SCAPER: variants seen among roughly 807,000 people sequenced by gnomAD.
The protein encoded by SCAPER is S-phase cyclin A associated protein in the ER.
In SCAPER, 98 loss-of-function variants were observed where a neutral mutation model predicts 182.2. The ratio of observed to expected loss-of-function variants is 0.54; its 90% confidence interval spans 0.46 to 0.64. SCAPER has a LOEUF of 0.64. Among genes scored for constraint, SCAPER ranks in the 30% least tolerant of loss-of-function variants. The pLI, the probability that SCAPER is intolerant of heterozygous loss-of-function variation, is 0.00. For missense variants in SCAPER, 1,432 were observed against 1,690.0 expected (o/e 0.85, Z 2.68); for synonymous variants, 605 against 564.6 (o/e 1.07, Z -1.01).
chr15:76,880,036 T>C (rs557762068), intron 2 of SCAPER, among the ~76,000 whole-genome samples: 2 of 152,294 alleles, frequency 1.3e-5, no homozygotes, highest in African/African-American at 4.8e-5. Flanking sequence ...TAAATGAACA[T>C]TATTGGGAAA....
chr15:76,676,723 T>G (rs1054960465), intron 20 of SCAPER, among the ~76,000 whole-genome samples: 1 of 151,692 alleles, frequency 6.6e-6, no homozygotes, highest in African/African-American at 2.4e-5. Context: ...TGTATAATGT[T>G]AAATAGAAAT....
intron 30 of SCAPER, among the ~76,000 whole-genome samples, chr15:76,353,498 A>T (rs1207096104): frequency 6.6e-6 from 1 of 152,248 alleles, no homozygotes; most frequent in Non-Finnish European, 1.5e-5. Flanking sequence ...ACATTAAAAA[A>T]ATCAATATAA....
chr15:76,415,345 T>C (rs2045574064), intron 26 of SCAPER, among the ~76,000 whole-genome samples: 1 of 152,138 alleles, frequency 6.6e-6, no homozygotes, highest in African/African-American at 2.4e-5. Flanking sequence ...TATTATATCA[T>C]CCATAAATTA....
intron 24 of SCAPER, among the ~76,000 whole-genome samples, chr15:76,497,133 G>C (rs1207566841): frequency 2.0e-4 from 1 of 5,058 alleles, no homozygotes; most frequent in Non-Finnish European, 9.9e-4. Context: ...TTCCCAAAAC[G>C]GCCTTCCTTA....
At chr15:76,840,538 T>C (rs2069372619) in intron 5 of SCAPER, among the ~76,000 whole-genome samples, 1 of 152,172 alleles carries the variant, frequency 6.6e-6, no homozygotes, top group South Asian at 2.1e-4. Context: ...TTTTGATAAC[T>C]AGTATTTTTA....
At chr15:76,622,446 G>C (rs2052174168) in intron 21 of SCAPER, among the ~76,000 whole-genome samples, 1 of 151,716 alleles carries the variant, frequency 6.6e-6, no homozygotes. Flanking sequence ...CTAAAAAAGT[G>C]AGAAAAATGC....
chr15:76,848,335 T>TTTTTTTTTTGG (rs2070346179), intron 4 of SCAPER, among the ~76,000 whole-genome samples: 1 of 143,150 alleles, frequency 7.0e-6, no homozygotes, highest in Non-Finnish European at 1.5e-5. Flanking sequence ...TTTTTTTTTT[T>TTTTTTTTTTGG]TTTTTTTTTT....
At chr15:76,477,949 GT>G (rs1214123948) in intron 24 of SCAPER, among the ~76,000 whole-genome samples, 4 of 146,818 alleles carry the variant, frequency 2.7e-5, no homozygotes, top group Non-Finnish European at 6.0e-5. Context: ...TTTTTTTTTA[GT>G]TTTTTTTGGT....
chr15:76,642,470 ATAT>A (rs1339375260), intron 21 of SCAPER, among the ~76,000 whole-genome samples: 1 of 152,198 alleles, frequency 6.6e-6, no homozygotes, highest in Non-Finnish European at 1.5e-5. Context: ...TATCATCCAA[ATAT>A]TAATATTACA....
intron 8 of SCAPER, among the ~76,000 whole-genome samples, chr15:76,787,700 T>C (rs1449902389): frequency 1.3e-5 from 2 of 152,168 alleles, no homozygotes; most frequent in African/African-American, 4.8e-5. Flanking sequence ...ACGCACACTT[T>C]ATACAAAAAT....
intron 26 of SCAPER, among the ~76,000 whole-genome samples, chr15:76,408,570 G>A (rs1243061736): frequency 6.6e-6 from 1 of 151,976 alleles, no homozygotes; most frequent in Non-Finnish European, 1.5e-5. Flanking sequence ...ACATAGCCAC[G>A]TTATATTCAA....
intron 2 of SCAPER, among the ~76,000 whole-genome samples, chr15:76,864,578 AT>A (rs2072126572): frequency 6.6e-6 from 1 of 152,156 alleles, no homozygotes; most frequent in Non-Finnish European, 1.5e-5. Context: ...GCAATACATT[AT>A]TTTCAAATGA....
In SCAPER at chr15:76,600,385, ATATGTGTGTG is replaced by A. The variant is rs1278290416; in HGVS notation, c.2711+21369_2711+21378del. On this transcript the variant is annotated intron_variant, in intron 22 of 31. Transcript: ENST00000563290. ...AATAGCATACTTGGAAAGTGTGTGTATATGTGTGTGTGTGTGTGTGTGTGTGTGTGTGTGT... is the reference window on the plus strand; with the variant it reads ...AATAGCATACTTGGAAAGTGTGTGTATGTGTGTGTGTGTGTGTGTGTGTGT... Among the ~76,000 whole-genome samples the A allele has an allele frequency of 4.2e-3, 163 of 38,456 alleles. 14 individuals are homozygous for A. The highest frequency in any genetic ancestry group is 7.9e-3 in the African/African-American group (155 of 19,604). 25.2% of individuals were successfully genotyped at this position (38,456 alleles called of 152,430 possible). A position where few individuals can be genotyped will look rare whatever the true frequency, so the allele number is the denominator to read the frequency against.
chr15:76,576,939 T>G (rs1274351477), intron 22 of SCAPER: 1 of 151,924 alleles, frequency 6.6e-6, no homozygotes, highest in African/African-American at 2.4e-5. Flanking sequence ...TAAATAAACT[T>G]GAAAGGAGGT....
intron 5 of SCAPER, among the ~76,000 whole-genome samples, chr15:76,816,683 C>G (rs531990322): frequency 1.4e-5 from 2 of 148,024 alleles, no homozygotes. Flanking sequence ...GATGGAGTCT[C>G]GCTCTGTTGC....
intron 23 of SCAPER, among the ~76,000 whole-genome samples, chr15:76,523,149 T>C (rs1421072935): frequency 6.6e-6 from 1 of 152,084 alleles, no homozygotes; most frequent in Non-Finnish European, 1.5e-5. Context: ...CCAATCATGA[T>C]ATATAAAATT....
chr15:76,679,729 G>A (rs2057578405), intron 20 of SCAPER, among the ~76,000 whole-genome samples: 1 of 149,952 alleles, frequency 6.7e-6, no homozygotes, highest in Non-Finnish European at 1.5e-5. Context: ...TCACCACTCA[G>A]TGACAATTAC....
intron 8 of SCAPER, among the ~76,000 whole-genome samples, chr15:76,779,271 G>A (rs2063942247): frequency 6.6e-6 from 1 of 151,962 alleles, no homozygotes; most frequent in African/African-American, 2.4e-5. Context: ...CATTAACCAT[G>A]ATAAACCATA....
intron 23 of SCAPER, among the ~76,000 whole-genome samples, chr15:76,569,179 AT>A (rs2047261422): frequency 6.6e-6 from 1 of 152,156 alleles, no homozygotes. Flanking sequence ...TTATTTTGCT[AT>A]AATTTTTTTG....
Sources: allele counts gnomAD v4.1 joint callset (sites outside exome capture counted in the v4.1 genomes callset), GRCh38; gene constraint gnomAD v4.1.1; transcripts MANE v1.5; gene names NCBI Gene and HGNC (gene_info 2026-07-23, HGNC 2026-07-21).